FRMD5: variants seen among roughly 807,000 people sequenced by gnomAD.
FRMD5 encodes FERM domain-containing protein 5.
FRMD5 carries 20 observed loss-of-function variants against 69.0 expected under a neutral mutation model. The ratio of observed to expected loss-of-function variants is 0.29; its 90% CI spans 0.20 to 0.42. The LOEUF (loss-of-function observed/expected upper bound fraction) is 0.42. Ranked by LOEUF, FRMD5 falls within the 10% of genes least tolerant of loss-of-function variation. The probability of loss-of-function intolerance (pLI) is 1.00; values close to 1 mark genes in which losing one functional copy is unlikely to be tolerated. For synonymous variants in FRMD5, 271 were observed against 260.1 expected, an observed-to-expected ratio of 1.04 and a Z score of -0.40; for missense variants, 595 against 708.6, an observed-to-expected ratio of 0.84 and a Z score of 1.82.
At chr15:44,057,259 C>G (rs553384564) in intron 1 of FRMD5, among the ~76,000 whole-genome samples, 6 of 152,088 alleles carry the variant, frequency 3.9e-5, no homozygotes, top group Non-Finnish European at 7.4e-5. Flanking sequence ...CCAGTAGCCA[C>G]CACGCCTGGC....
chr15:43,939,416 T>A (rs1045898749), intron 1 of FRMD5, among the ~76,000 whole-genome samples: 5 of 152,144 alleles, frequency 3.3e-5, no homozygotes, highest in Non-Finnish European at 5.9e-5. Context: ...AAAGAAGTCA[T>A]CAGTTCAAGA....
chr15:44,030,918 C>G (rs1323921760), intron 1 of FRMD5, among the ~76,000 whole-genome samples: 2 of 151,494 alleles, frequency 1.3e-5, no homozygotes, highest in Admixed American at 6.6e-5. Flanking sequence ...AATCTATTCT[C>G]TATTAAAACA....
At chr15:44,196,848 C>G (rs144892263), upstream of FRMD5, among the ~76,000 whole-genome samples, 7 of 150,536 alleles carry the variant, frequency 4.7e-5, no homozygotes, top group African/African-American at 1.7e-4. Flanking sequence ...TGGTTGCATT[C>G]TCCTTTGTGG....
At chr15:43,975,047 G>A (rs1309670394) in intron 1 of FRMD5, among the ~76,000 whole-genome samples, 1 of 152,212 alleles carries the variant, frequency 6.6e-6, no homozygotes, top group Non-Finnish European at 1.5e-5. Flanking sequence ...AGCTGGAACA[G>A]AATCGCAGAA....
chr15:43,938,081 A>T (rs369214106), intron 1 of FRMD5, among the ~76,000 whole-genome samples: 1 of 152,014 alleles, frequency 6.6e-6, no homozygotes, highest in Non-Finnish European at 1.5e-5. Flanking sequence ...AACACAAAAA[A>T]TTAGCCGGGT....
intron 1 of FRMD5, among the ~76,000 whole-genome samples, chr15:44,163,450 A>C (rs1281806060): frequency 6.6e-6 from 1 of 152,196 alleles, no homozygotes; most frequent in African/African-American, 2.4e-5. Context: ...TGAGTGGATA[A>C]ATAATGAATG....
At chr15:44,140,583 A>G (rs1360373781) in intron 1 of FRMD5, among the ~76,000 whole-genome samples, 3 of 152,092 alleles carry the variant, frequency 2.0e-5, no homozygotes, top group Non-Finnish European at 4.4e-5. Flanking sequence ...TGCTCTCATA[A>G]GAAATCCAAG....
chr15:44,088,252 T>G (rs535344392), intron 1 of FRMD5, among the ~76,000 whole-genome samples: 35 of 152,192 alleles, frequency 2.3e-4, no homozygotes, highest in African/African-American at 8.4e-4. Context: ...TTTTAGAGCA[T>G]TTTCACCATT....
In FRMD5 at chr15:44,044,710, C is replaced by T. The variant is rs189930879; in HGVS notation, c.103-120401G>A. 8.2e-5 allele frequency among the ~76,000 whole-genome samples: 12 copies of T among 147,174 alleles called. No individual in the cohort carries two copies. In the East Asian group the frequency reaches 2.2e-3, roughly 27 times the overall value. On this transcript the variant is annotated intron_variant, in intron 1 of 13. Transcript: ENST00000417257. ...TTCTCATTCATAAGTGGGTGCTGAA[C>T]AATGAGAACACATGGACACAGGGAG...
Position 44,157,179 on chromosome 15 carries a change from A to G in FRMD5, c.102+37774T>C, listed in dbSNP as rs75093702. 7.3e-3 allele frequency among the ~76,000 whole-genome samples: 1,117 copies of G among 152,344 alleles called. 15 individuals are homozygous for G. Among genetic ancestry groups the G allele is most frequent in the African/African-American group, 0.026 (1,072 of 41,584 alleles). Reference sequence around the variant, plus strand: ...TGAGAGCTAAAATCCAGACACCTTCAGATATGTTTAATTCCTACTTCTCTA... The same window carrying G: ...TGAGAGCTAAAATCCAGACACCTTCGGATATGTTTAATTCCTACTTCTCTA... On this transcript the variant is annotated intron_variant, in intron 1 of 13. Transcript: ENST00000417257.
intron 1 of FRMD5, among the ~76,000 whole-genome samples, chr15:44,074,280 A>G (rs1362663839): frequency 1.3e-5 from 2 of 152,204 alleles, no homozygotes; most frequent in Admixed American, 6.5e-5. Context: ...TTACACAAAT[A>G]TCTTTTTTTT....
intron 1 of FRMD5, among the ~76,000 whole-genome samples, chr15:44,032,518 A>G (rs1891727431): frequency 6.6e-6 from 1 of 152,092 alleles, no homozygotes; most frequent in African/African-American, 2.4e-5. Flanking sequence ...AAAACAAACA[A>G]CCCCATTAAA....
At chr15:44,008,582 T>C (rs1890567817) in intron 1 of FRMD5, among the ~76,000 whole-genome samples, 1 of 151,734 alleles carries the variant, frequency 6.6e-6, no homozygotes, top group Non-Finnish European at 1.5e-5. Context: ...TTTTTTAACA[T>C]GTGGTGCACC....
Position 43,873,565 on chromosome 15 carries a change from TCA to T in FRMD5, c.*318_*319del. 1.4e-6 allele frequency: 2 copies of T among 1,400,868 alleles called. No individual in the cohort carries two copies. Among genetic ancestry groups the T allele is most frequent in the South Asian group, 2.8e-5 (2 of 71,922 alleles). The allele number at this position is 1,400,868 out of a possible 1,614,324, so 86.8% of individuals were successfully genotyped here. On this transcript the variant is annotated 3_prime_UTR_variant, in exon 14 of 14. Transcript: ENST00000417257. ...AAATAAATTATTTTTATTTGATACT[TCA>T]AAATAATATACATCTATGAAAAATC...
intron 1 of FRMD5, among the ~76,000 whole-genome samples, chr15:44,161,088 T>C (rs1234748432): frequency 6.6e-6 from 1 of 152,216 alleles, no homozygotes; most frequent in Admixed American, 6.5e-5. Context: ...TATTATTTTA[T>C]ATCTCCTTTC....
intron 1 of FRMD5, among the ~76,000 whole-genome samples, chr15:43,967,998 A>T (rs2140565730): frequency 6.6e-6 from 1 of 151,086 alleles, no homozygotes; most frequent in East Asian, 2.0e-4. Context: ...ACTCCCACTT[A>T]TGAGTGAGAA....
intron 13 of FRMD5, among the ~76,000 whole-genome samples, chr15:43,876,683 C>T (rs759556152): frequency 3.3e-5 from 5 of 152,192 alleles, no homozygotes; most frequent in African/African-American, 9.7e-5. Context: ...CTTCAGCCTC[C>T]GTTCTAGCTG....
At chr15:43,978,974 C>A (rs2090506938) in intron 1 of FRMD5, among the ~76,000 whole-genome samples, 1 of 152,202 alleles carries the variant, frequency 6.6e-6, no homozygotes, top group Admixed American at 6.5e-5. Context: ...TCTCCTAAAT[C>A]TCCAGTAAGT....
intron 10 of FRMD5, 86 bp downstream of exon 10, chr15:43,888,089 A>G: frequency 9.6e-7 from 1 of 1,043,000 alleles, no homozygotes; most frequent in South Asian, 1.4e-5. Context: ...CCCCGCCCCA[A>G]GTTCCTGGGC....
Sources: allele counts gnomAD v4.1 joint callset (sites outside exome capture counted in the v4.1 genomes callset), GRCh38; gene constraint gnomAD v4.1.1; transcripts MANE v1.5; gene names NCBI Gene and HGNC (gene_info 2026-07-23, HGNC 2026-07-21).